MTA3: variants seen among roughly 807,000 people sequenced by gnomAD.
The protein encoded by MTA3 is metastasis-associated protein MTA3.
Under a neutral mutation model 83.5 loss-of-function variants are expected in MTA3, and 34 were observed. The observed-to-expected ratio is 0.41, with a 90% confidence interval of 0.31 to 0.54. MTA3 has a LOEUF of 0.54. MTA3 is among the 20% of genes least tolerant of loss of function. MTA3 has a pLI of 0.33. For synonymous variants in MTA3, 303 were observed against 252.7 expected (o/e 1.20, Z -1.89); for missense variants, 761 against 726.4 (o/e 1.05, Z -0.55).
At chr2:42,691,458 G>A (rs1692893628) in intron 9 of MTA3, among the ~76,000 whole-genome samples, 1 of 151,986 alleles carries the variant, frequency 6.6e-6, no homozygotes, top group East Asian at 1.9e-4. Context: ...TGTTGATTCT[G>A]TGTCTTATTG....
chr2:42,596,413 C>G (rs533957512), intron 3 of MTA3, among the ~76,000 whole-genome samples: 1 of 152,116 alleles, frequency 6.6e-6, no homozygotes, highest in Admixed American at 6.6e-5. Flanking sequence ...GGACATTTTT[C>G]TCTTGCTATT....
intron 16 of MTA3, among the ~76,000 whole-genome samples, chr2:42,745,963 G>A (rs1435794242): frequency 6.6e-6 from 1 of 151,650 alleles, no homozygotes. Flanking sequence ...ACAGCCATGC[G>A]CCACCACGCC....
intron 4 of MTA3, among the ~76,000 whole-genome samples, chr2:42,621,831 A>C (rs532435905): frequency 7.3e-5 from 11 of 151,604 alleles, no homozygotes; most frequent in African/African-American, 2.7e-4. Flanking sequence ...GTGGCCGGGC[A>C]GAGGCGCTCC....
intron 12 of MTA3, among the ~76,000 whole-genome samples, chr2:42,707,527 G>A (rs777556452): frequency 3.9e-5 from 6 of 152,162 alleles, no homozygotes; most frequent in Non-Finnish European, 7.3e-5. Context: ...GATTACAGGC[G>A]TGAGCCACCA....
intron 8 of MTA3, among the ~76,000 whole-genome samples, chr2:42,665,921 T>C (rs1690191171): frequency 6.6e-6 from 1 of 152,188 alleles, no homozygotes; most frequent in Non-Finnish European, 1.5e-5. Flanking sequence ...TGTGTTGATT[T>C]AGGAGGGAGG....
At position 42,658,071 on chromosome 2, in the gene MTA3, C is replaced by CAAAA. The variant is rs59628946; in HGVS notation, c.603-1666_603-1663dup. Among the ~76,000 whole-genome samples, 26 of 51,930 alleles carry CAAAA rather than the reference C, an allele frequency of 5.0e-4. 1 individual carries two copies. Among genetic ancestry groups the CAAAA allele is most frequent in the African/African-American group, 1.4e-3 (18 of 12,636 alleles). The allele number at this position is 51,930 out of a possible 152,430, so 34.1% of individuals were successfully genotyped here. On this transcript the variant is annotated intron_variant, in intron 7 of 16. Coordinates refer to ENST00000405094, the MANE Select transcript of MTA3 (RefSeq NM_001330442.2). ...TGGGCGACAGAGGAAGACTCTGTCT[C>CAAAA]AAAAAAAAAAAAAAAAAAAAAAAAA...
chr2:42,647,147 ACT>A (rs1688276135), intron 6 of MTA3, among the ~76,000 whole-genome samples: 1 of 149,816 alleles, frequency 6.7e-6, no homozygotes, highest in Non-Finnish European at 1.5e-5. Flanking sequence ...ACAGAGTGAG[ACT>A]CTGTCTAAAA....
At chr2:42,622,251 C>T (rs1027962042) in intron 4 of MTA3, among the ~76,000 whole-genome samples, 2 of 151,980 alleles carry the variant, frequency 1.3e-5, no homozygotes, top group Non-Finnish European at 2.9e-5. Context: ...AAAAAAAATA[C>T]GAAAACCAGT....
intron 2 of MTA3, among the ~76,000 whole-genome samples, chr2:42,554,899 A>G (rs1255261423): frequency 6.6e-6 from 1 of 152,098 alleles, no homozygotes; most frequent in Admixed American, 6.6e-5. Context: ...GATTAAAAGG[A>G]TAATGGTTTG....
intron 2 of MTA3, among the ~76,000 whole-genome samples, chr2:42,510,557 T>A (rs1674851809): frequency 6.6e-6 from 1 of 152,172 alleles, no homozygotes; most frequent in East Asian, 1.9e-4. Flanking sequence ...ACACTTCAAA[T>A]GGGCAAATTG....
At chr2:42,638,707 T>A (rs78039581) in intron 4 of MTA3, among the ~76,000 whole-genome samples, 2 of 10,956 alleles carry the variant, frequency 1.8e-4, no homozygotes, top group Non-Finnish European at 3.2e-4. Context: ...TGATGTTAAT[T>A]TTTTTTTTTT....
intron 6 of MTA3, among the ~76,000 whole-genome samples, chr2:42,651,232 T>A (rs984314073): frequency 2.0e-5 from 3 of 152,188 alleles, no homozygotes; most frequent in Non-Finnish European, 4.4e-5. Context: ...GCACTGGAAG[T>A]TGCTTTGGGT....
At chr2:42,671,684 T>G (rs1336593202) in intron 8 of MTA3, among the ~76,000 whole-genome samples, 2 of 152,230 alleles carry the variant, frequency 1.3e-5, no homozygotes, top group Non-Finnish European at 2.9e-5. Context: ...AATTTTTAAT[T>G]TAACTTGTGA....
intron 2 of MTA3, among the ~76,000 whole-genome samples, chr2:42,523,632 G>T (rs1444281866): frequency 6.6e-6 from 1 of 152,128 alleles, no homozygotes; most frequent in African/African-American, 2.4e-5. Flanking sequence ...GTAACTTATG[G>T]CTGGGTGCAG....
At chr2:42,737,820 G>T (rs746704902) in intron 16 of MTA3, among the ~76,000 whole-genome samples, 1 of 152,116 alleles carries the variant, frequency 6.6e-6, no homozygotes, top group African/African-American at 2.4e-5. Context: ...TTTTTCCACC[G>T]AATGAATACA....
rs1670072821 is a variant in MTA3, at chr2:42,754,008, C to G, written c.*609C>G. 1.0e-6 allele frequency: 1 copy of G among 985,294 alleles called. No homozygotes were observed. Among genetic ancestry groups the G allele is most frequent in the Non-Finnish European group, 1.2e-6 (1 of 829,918 alleles). 61.0% of individuals were successfully genotyped at this position (985,294 alleles called of 1,614,324 possible). On this transcript the variant is annotated 3_prime_UTR_variant, in exon 17 of 17. Transcript: ENST00000405094. ...CCTCTGCATTCCTATATGTGACCCT[C>G]CCTCCTACTCCTCCAAGGAACAGAA...
intron 2 of MTA3, among the ~76,000 whole-genome samples, chr2:42,544,576 T>C (rs1259047959): frequency 6.7e-6 from 1 of 150,344 alleles, no homozygotes; most frequent in African/African-American, 2.4e-5. Context: ...TCTTGCTCTG[T>C]CACTCAGAGC....
chr2:42,651,513 G>C (rs961582671), intron 6 of MTA3, among the ~76,000 whole-genome samples: 8 of 152,122 alleles, frequency 5.3e-5, no homozygotes, highest in African/African-American at 1.9e-4. Context: ...ATTGGTGCTG[G>C]GCATGGTGGC....
chr2:42,727,452 C>T (rs1667908896), intron 16 of MTA3, among the ~76,000 whole-genome samples: 1 of 152,178 alleles, frequency 6.6e-6, no homozygotes, highest in Admixed American at 6.5e-5. Context: ...GTATCACCTA[C>T]TATGTTTGCC....
Sources: gnomAD v4.1 joint callset for allele counts (sites outside exome capture counted in the v4.1 genomes callset) on GRCh38, gnomAD v4.1.1 for gene constraint, MANE v1.5 for transcripts, NCBI Gene and HGNC (gene_info 2026-07-23, HGNC 2026-07-21) for gene names.